Variants in ZNF408 observed in about 807,000 individuals in gnomAD.
ZNF408 encodes zinc finger protein 408, also known as PR domain zinc finger protein 17.
A neutral mutation model predicts 27.6 loss-of-function variants in ZNF408; 24 were observed. The ratio of observed to expected loss-of-function variants is 0.87; its 90% CI spans 0.63 to 1.22. The LOEUF is 1.22. Ranked by LOEUF, ZNF408 falls within the 50% of genes most tolerant of loss-of-function variation. ZNF408 has a pLI of 0.00. For synonymous variants in ZNF408, 410 were observed against 396.1 expected (o/e 1.04, Z -0.42); for missense variants, 897 against 949.0 (o/e 0.95, Z 0.72).
intron 1 of ZNF408, 92 bp downstream of exon 1, chr11:46,701,191 G>C: frequency 6.2e-7 from 1 of 1,602,478 alleles, no homozygotes. Flanking sequence ...TCTCTCCTCC[G>C]GATCCCAGGA....
rs1429004611 is a variant in ZNF408, at chr11:46,705,337, A to T, written c.1637A>T (p.His546Leu). 1 of 1,610,766 alleles carries T rather than the reference A, an allele frequency of 6.2e-7. No individual in the cohort carries two copies. The highest frequency in any genetic ancestry group is 1.1e-5 in the South Asian group (1 of 91,022). The change falls in exon 5 of 5, where the codon CAC (histidine) becomes CTC (leucine). Residue 546 changes from histidine (H) to leucine (L), a missense_variant. Transcript: ENST00000311764. This position sits in a 1 kb window ranked among gnomAD's most constrained non-coding sequence, Gnocchi z 6.5. Reference sequence around the variant, plus strand: ...GAACTGCGGCGCCATCTCATCTCACACACCGGGGAGGCCCACTTGTGCCCG... The same window carrying T: ...GAACTGCGGCGCCATCTCATCTCACTCACCGGGGAGGCCCACTTGTGCCCG... ...LPELRRHLIS[H>L]TGEAHLCPVC...
rs1565695139 is a variant in ZNF408, at chr11:46,704,643, C to T, written c.943C>T (p.Gln315Ter). Residue 315 changes from glutamine to a stop codon, truncating the protein, a stop_gained, in exon 5 of 5, where the codon CAG becomes TAG. Coordinates refer to ENST00000311764, the MANE Select transcript of ZNF408 (RefSeq NM_024741.3). LOFTEE classifies it low-confidence loss of function (END_TRUNC). ...LAKKLHSPSD[Q>*]CPPRAKTPEP... is the part of the protein sequence containing the mutation. Reference sequence around the variant, plus strand: ...CAAGAAGTTACACAGCCCCAGTGATCAGTGCCCACCCAGAGCAAAGACCCC... The same window carrying T: ...CAAGAAGTTACACAGCCCCAGTGATTAGTGCCCACCCAGAGCAAAGACCCC... The T allele has an allele frequency of 5.0e-6, 8 of 1,613,930 alleles. No individual in the cohort carries two copies. Among genetic ancestry groups the T allele is most frequent in the Non-Finnish European group, 6.8e-6 (8 of 1,180,020 alleles).
In ZNF408 at chr11:46,701,529, G is replaced by A. The variant is rs773806707; in HGVS notation, c.183G>A (p.Leu61=). ...ILALKSLPRG[L]ALGPSLAKEQ... is the part of the protein sequence containing the mutation. ...CTTTAAAGAGCCTTCCCCGGGGCTT[G>A]GCCCTTGGCCCCTCACTCGCCAAGG... Residue 61 remains leucine (L), a synonymous_variant, in exon 2 of 5, where the codon TTG becomes TTA. Transcript: ENST00000311764. The A allele has an allele frequency of 9.9e-6, 16 of 1,613,700 alleles. No homozygotes were observed. Among genetic ancestry groups the A allele is most frequent in the Non-Finnish European group, 1.1e-5 (13 of 1,180,018 alleles).
chr11:46,701,217 A>G, intron 1 of ZNF408, 118 bp downstream of exon 1: 9 of 1,584,864 alleles, frequency 5.7e-6, no homozygotes, highest in Non-Finnish European at 7.8e-6. Context: ...CAGTGCCCTC[A>G]GAGTCGCTGG....
rs1277939631 is a variant in ZNF408 at position 46,705,285 on chromosome 11, T to C, written c.1585T>C (p.Cys529Arg). Residue 529 changes from cysteine (C) to arginine (R), a missense_variant, in exon 5 of 5, where the codon TGT (cysteine) becomes CGT (arginine). By Grantham distance (180) the Cys-to-Arg change is radical. Transcript: ENST00000311764. This position sits in a 1 kb window ranked among gnomAD's most constrained non-coding sequence, Gnocchi z 6.5. ...GGAGCGTCCTTACCGCTGCCCACAC[T>C]GTGCCGATGCCTTCCCCCAGCTGCC... The part of the protein sequence containing the change: ...TGERPYRCPH[C>R]ADAFPQLPEL... 2 of 1,612,112 alleles carry C rather than the reference T, an allele frequency of 1.2e-6. No homozygotes were observed. The highest frequency in any genetic ancestry group is 8.5e-7 in the Non-Finnish European group (1 of 1,179,944).
chr11:46,705,807 A>C lies in ZNF408; in HGVS notation c.2107A>C (p.Lys703Gln), dbSNP rs1446122926. ...DAAPSLVLIH[K>Q]DMGLGAWAEV... ...CGCCCCCAGCCTGGTGCTAATCCAT[A>C]AGGACATGGGCCTCGGCGCCTGGGC... Residue 703 changes from lysine (K) to glutamine (Q), a missense_variant, in exon 5 of 5, where the codon AAG (lysine) becomes CAG (glutamine). Physicochemically the swap from Lys to Gln is moderately conservative, Grantham distance 53. Coordinates refer to ENST00000311764, the MANE Select transcript of ZNF408 (RefSeq NM_024741.3). The surrounding 1 kb of genome is among the most constrained non-coding windows in gnomAD (Gnocchi z 6.5). 1 of 1,612,490 alleles carries C rather than the reference A, an allele frequency of 6.2e-7. No individual in the cohort carries two copies. Among genetic ancestry groups the C allele is most frequent in the Non-Finnish European group, 8.5e-7 (1 of 1,179,520 alleles).
In ZNF408 at chr11:46,704,478, G is replaced by A. The variant is rs772130354; in HGVS notation, c.778G>A (p.Asp260Asn). The change falls in exon 5 of 5, where the codon GAC (aspartate) becomes AAC (asparagine). Residue 260 changes from aspartate (D) to asparagine (N), a missense_variant. Transcript: ENST00000311764. ...ACTTGGCCCATTGCTTCAGGATGGC[G>A]ACGTGGATGAGGAATGCCCGGCCCA... ...QPLGPLLQDG[D>N]VDEECPAQAQ... is the part of the protein sequence containing the mutation. 55 of 1,614,010 alleles carry A rather than the reference G, an allele frequency of 3.4e-5. No individual in the cohort carries two copies. The highest frequency in any genetic ancestry group is 3.9e-5 in the Non-Finnish European group (46 of 1,180,042).
In ZNF408 at chr11:46,704,496, C is replaced by T; in HGVS notation, c.796C>T (p.Pro266Ser). ...GGATGGCGACGTGGATGAGGAATGCCCGGCCCAGGCACAGATGCCACCTGA... is the reference window on the plus strand; with the variant it reads ...GGATGGCGACGTGGATGAGGAATGCTCGGCCCAGGCACAGATGCCACCTGA... The part of the protein sequence containing the change: ...LQDGDVDEEC[P>S]AQAQMPPELQ... Residue 266 changes from proline to serine, a missense_variant, in exon 5 of 5, where the codon CCG becomes TCG. Physicochemically the swap from Pro to Ser is moderately conservative, Grantham distance 74. Transcript: ENST00000311764. 5.0e-6 allele frequency: 8 copies of T among 1,614,118 alleles called. No homozygotes were observed. The highest frequency in any genetic ancestry group is 6.8e-6 in the Non-Finnish European group (8 of 1,180,036).
chr11:46,704,370 C>A lies in ZNF408; in HGVS notation c.670C>A (p.Pro224Thr), dbSNP rs769599754. Residue 224 changes from proline (P) to threonine (T), a missense_variant, in exon 5 of 5, where the codon CCC (proline) becomes ACC (threonine). Pro to Thr is a conservative substitution (Grantham distance 38). Coordinates refer to ENST00000311764, the MANE Select transcript of ZNF408 (RefSeq NM_024741.3). ...CCTTGCAGATCCTGGTTCCCAGTCA[C>A]CCTCTGGCATCCAGGCAGAGAATAT... The part of the protein sequence containing the change: ...EPCIDPGSQS[P>T]SGIQAENMVS... 2 of 1,596,386 alleles carry A rather than the reference C, an allele frequency of 1.3e-6. No homozygotes were observed. Among genetic ancestry groups the A allele is most frequent in the Non-Finnish European group, 1.7e-6 (2 of 1,169,892 alleles).
At position 46,701,418 on chromosome 11, in the gene ZNF408, C is replaced by A. The variant is rs749020549; in HGVS notation, c.72C>A (p.Gly24=). ...CTGCAGCCCGCGAGCCGCGCCTGGG[C>A]CTGGACTTAGGATGGAACCCTTCCG... The part of the protein sequence containing the change: ...ALQLAREPRL[G]LDLGWNPSGE... The change falls in exon 2 of 5, where the codon GGC becomes GGA. Residue 24 remains glycine, a synonymous_variant. Transcript: ENST00000311764. The A allele has an allele frequency of 1.2e-6, 2 of 1,613,888 alleles. No homozygotes were observed. Among genetic ancestry groups the A allele is most frequent in the East Asian group, 2.2e-5 (1 of 44,872 alleles).
Position 46,705,358 on chromosome 11 carries a change from G to C in ZNF408, c.1658G>C (p.Cys553Ser), listed in dbSNP as rs2064744030. ...LISHTGEAHL[C>S]PVCGKALRDP... ...TCACACACCGGGGAGGCCCACTTGT[G>C]CCCGGTGTGTGGCAAGGCCCTCCGA... The change falls in exon 5 of 5, where the codon TGC (cysteine) becomes TCC (serine). Residue 553 changes from cysteine to serine, a missense_variant. Transcript: ENST00000311764. The surrounding 1 kb of genome is among the most constrained non-coding windows in gnomAD (Gnocchi z 6.5). 1 of 1,597,390 alleles carries C rather than the reference G, an allele frequency of 6.3e-7. No individual in the cohort carries two copies.
Position 46,701,567 on chromosome 11 carries a change from G to A in ZNF408, c.221G>A (p.Gly74Glu). The A allele has an allele frequency of 6.2e-7, 1 of 1,613,432 alleles. No homozygotes were observed. Among genetic ancestry groups the A allele is most frequent in the South Asian group, 1.1e-5 (1 of 91,086 alleles). The change falls in exon 2 of 5, where the codon GGG becomes GAG. Residue 74 changes from glycine (G) to glutamate (E), a missense_variant. Physicochemically the swap from Gly to Glu is moderately conservative, Grantham distance 98. Transcript: ENST00000311764. ...TCACTCGCCAAGGAACAGCGCTTGG[G>A]GGTCTGGTGTGTCGGGGACCCCCTG... ...GPSLAKEQRL[G>E]VWCVGDPLQP...
In ZNF408 at chr11:46,703,081, G is replaced by T. The variant is rs777520590; in HGVS notation, c.490G>T (p.Gly164Cys). 3 of 1,613,386 alleles carry T rather than the reference G, an allele frequency of 1.9e-6. No individual in the cohort carries two copies. Among genetic ancestry groups the T allele is most frequent in the Admixed American group, 3.3e-5 (2 of 59,802 alleles). ...HLQVYQLVLPGSELLLWPQPS... is the reference protein window; with the variant it reads ...HLQVYQLVLPCSELLLWPQPS... ...GCAAGTGTACCAGCTGGTGCTGCCA[G>T]GCTCTGAACTGCTGCTGTGGCCCCA... The change falls in exon 4 of 5, where the codon GGC (glycine) becomes TGC (cysteine). Residue 164 changes from glycine (G) to cysteine (C), a missense_variant. By Grantham distance (159) the Gly-to-Cys change is radical. Transcript: ENST00000311764.
rs75030924 is a variant in ZNF408, at chr11:46,703,621, A to G, written c.652+378A>G. On this transcript the variant is annotated intron_variant, in intron 4 of 4. Transcript: ENST00000311764. Reference sequence around the variant, plus strand: ...CCTAAGAGCTTCCTGGAATAGTAAGAAAGAGAGTAAGCTTTGTATGTACAC... The same window carrying G: ...CCTAAGAGCTTCCTGGAATAGTAAGGAAGAGAGTAAGCTTTGTATGTACAC... Among the ~76,000 whole-genome samples, 977 of 152,270 alleles carry G rather than the reference A, an allele frequency of 6.4e-3. 9 individuals carry two copies. The highest frequency in any genetic ancestry group is 0.023 in the African/African-American group (945 of 41,534).
intron 3 of ZNF408, 109 bp from the exon 4 acceptor site, chr11:46,702,875 C>G (rs2064719980): frequency 6.3e-7 from 1 of 1,595,124 alleles, no homozygotes; most frequent in Non-Finnish European, 8.6e-7. Flanking sequence ...AGTGAATGTT[C>G]CAAAGGCACG....
chr11:46,702,593 C>T lies in ZNF408; in HGVS notation c.331-111C>T. 5.5e-6 allele frequency: 6 copies of T among 1,091,378 alleles called. No individual in the cohort carries two copies. The South Asian group carries it at 8.5e-5, about 16-fold the overall frequency. The allele number at this position is 1,091,378 out of a possible 1,614,324, so 67.6% of individuals were successfully genotyped here. ...AGGAGAACCAGAGGCTTCTAACCTTCCAGGAGTTTCATCTTAAATTTGTCC... is the reference window on the plus strand; with the variant it reads ...AGGAGAACCAGAGGCTTCTAACCTTTCAGGAGTTTCATCTTAAATTTGTCC... On this transcript the variant is annotated intron_variant, in intron 2 of 4. Coordinates refer to ENST00000311764, the MANE Select transcript of ZNF408 (RefSeq NM_024741.3).
At chr11:46,702,595 A>G in intron 2 of ZNF408, 109 bp from the exon 3 acceptor site, 1 of 1,106,370 alleles carries the variant, frequency 9.0e-7, no homozygotes, top group Non-Finnish European at 1.3e-6. Flanking sequence ...CTAACCTTCC[A>G]GGAGTTTCAT....
At chr11:46,704,254 C>G in intron 4 of ZNF408, 99 bp from the exon 5 acceptor site, 1 of 1,310,256 alleles carries the variant, frequency 7.6e-7, no homozygotes, top group South Asian at 1.4e-5. Context: ...CTCTAAGGCT[C>G]AGGGGCTGGG....
rs148055528 is a variant in ZNF408, at chr11:46,703,166, CAGTGGTGACAGA to C, written c.581_592del (p.Val194_Val197del). 0.16 allele frequency: 255,573 copies of C among 1,611,622 alleles called. 27,861 individuals carry two copies. Among genetic ancestry groups the C allele is most frequent in the East Asian group, 0.6 (26,785 of 44,604 alleles). On this transcript the variant is annotated inframe_deletion, in exon 4 of 5. Transcript: ENST00000311764. ...GGGCTGGACAAAGAGGCAGCTGTAGCAGTGGTGACAGAAGTGGAGTCTGCTGTACAGCAGGAA... is the reference window on the plus strand; with the variant it reads ...GGGCTGGACAAAGAGGCAGCTGTAGCAGTGGAGTCTGCTGTACAGCAGGAA...
Sources: allele counts gnomAD v4.1 joint callset (sites outside exome capture counted in the v4.1 genomes callset), GRCh38; gene constraint gnomAD v4.1.1; non-coding constraint Gnocchi (gnomAD v3.1); transcripts MANE v1.5; gene names NCBI Gene and HGNC (gene_info 2026-07-23, HGNC 2026-07-21).